The following SASH1 variants were observed in gnomAD, a reference collection of about 807,000 sequenced individuals.
The protein encoded by SASH1 is SAM and SH3 domain-containing protein 1.
Under a neutral mutation model 125.2 loss-of-function variants are expected in SASH1, and 44 were observed. The ratio of observed to expected loss-of-function variants is 0.35; its 90% CI spans 0.28 to 0.45. SASH1 has a LOEUF of 0.45. Ranked by LOEUF, SASH1 falls within the 20% of genes least tolerant of loss-of-function variation. SASH1 has a pLI of 1.00. For synonymous variants in SASH1, 639 were observed against 649.1 expected, an observed-to-expected ratio of 0.98 and a Z score of 0.24; for missense variants, 1,426 against 1,614.5, an observed-to-expected ratio of 0.88 and a Z score of 2.00.
Position 148,548,457 on chromosome 6 carries a change from A to G in SASH1, c.3643A>G (p.Thr1215Ala), listed in dbSNP as rs758364442. 5 of 1,614,016 alleles carry G rather than the reference A, an allele frequency of 3.1e-6. No individual in the cohort carries two copies. The East Asian group carries it at 8.9e-5, about 29-fold the overall frequency. The part of the protein sequence containing the change: ...TLSQVPSLSH[T>A]CLQEAGITEE... ...GAGCCAAGTGCCTTCTCTGTCTCAC[A>G]CTTGCCTTCAGGAGGCCGGCATCAC... The change falls in exon 20 of 20, where the codon ACT (threonine) becomes GCT (alanine). Residue 1215 changes from threonine to alanine, a missense_variant. Coordinates refer to ENST00000367467, the MANE Select transcript of SASH1 (RefSeq NM_015278.5).
In SASH1 at chr6:148,529,796, TG is replaced by T. The variant is rs1362291055; in HGVS notation, c.1429-1729del. Among the ~76,000 whole-genome samples the T allele has an allele frequency of 6.7e-5, 10 of 150,186 alleles. No individual in the cohort carries two copies. Among genetic ancestry groups the T allele is most frequent in the East Asian group, 3.9e-4 (2 of 5,188 alleles). On this transcript the variant is annotated intron_variant, in intron 12 of 19. Transcript: ENST00000367467. The surrounding 1 kb of genome is among the most constrained non-coding windows in gnomAD (Gnocchi z 4.2). ...AAAATAATGGAAGGTTTTATGTGGT[TG>T]TTTTTTTTTTGTTTTTGTTTTTGTT... is the stretch of plus-strand genomic sequence containing the variant.
chr6:148,229,533 G>T, the SASH1 span, among the ~76,000 whole-genome samples: 1 of 151,688 alleles, frequency 6.6e-6, no homozygotes, highest in African/African-American at 2.4e-5. Context: ...AATACTAAAC[G>T]TATAACACCA....
intron 2 of SASH1, among the ~76,000 whole-genome samples, chr6:148,397,400 G>A (rs1364761667): frequency 2.0e-5 from 3 of 152,114 alleles, no homozygotes; most frequent in Admixed American, 6.5e-5. Context: ...CAGGAGAATC[G>A]CTTGAACACT....
At chr6:148,476,082 T>A (rs1303631398) in intron 7 of SASH1, among the ~76,000 whole-genome samples, 1 of 151,844 alleles carries the variant, frequency 6.6e-6, no homozygotes, top group Non-Finnish European at 1.5e-5. Context: ...AACTGATAAG[T>A]AAAGTTGCAG....
chr6:148,212,904 T>C, the SASH1 span, among the ~76,000 whole-genome samples: 3 of 152,278 alleles, frequency 2.0e-5, no homozygotes, highest in East Asian at 5.8e-4. Context: ...GCCTGAGCCA[T>C]GCAGTCCGGT....
chr6:148,469,846 C>T (rs1045528094), intron 5 of SASH1, among the ~76,000 whole-genome samples: 1 of 151,856 alleles, frequency 6.6e-6, no homozygotes, highest in Non-Finnish European at 1.5e-5. Context: ...GCCAATATGT[C>T]GAAACCTCAT....
At chr6:148,324,123 A>AAAAAAAAAC (rs1554234822) in intron 1 of SASH1, among the ~76,000 whole-genome samples, 1 of 148,702 alleles carries the variant, frequency 6.7e-6, no homozygotes, top group Admixed American at 6.7e-5. Context: ...TGTCTCAAAA[A>AAAAAAAAAC]AAAAAAAAAA....
At chr6:148,358,272 A>G (rs1782034515) in intron 1 of SASH1, among the ~76,000 whole-genome samples, 1 of 152,162 alleles carries the variant, frequency 6.6e-6, no homozygotes, top group South Asian at 2.1e-4. Context: ...CAAGGACTGT[A>G]GGTCACCGAT....
intron 11 of SASH1, chr6:148,527,245 A>G (rs997954604): frequency 2.1e-6 from 1 of 466,082 alleles, no homozygotes; most frequent in Admixed American, 4.4e-5. Context: ...AAAGTGACTC[A>G]CATCCCACTT....
intron 8 of SASH1, among the ~76,000 whole-genome samples, chr6:148,488,805 G>C (rs962338848): frequency 6.6e-6 from 1 of 152,192 alleles, no homozygotes; most frequent in African/African-American, 2.4e-5. Context: ...TCTTTTGCCT[G>C]GTCTTCAGTT....
intron 8 of SASH1, chr6:148,512,796 C>T (rs987199328): frequency 1.0e-6 from 1 of 984,586 alleles, no homozygotes; most frequent in Non-Finnish European, 1.2e-6. Flanking sequence ...AGAAATTGGA[C>T]ATAGATATTA....
the SASH1 span, among the ~76,000 whole-genome samples, chr6:148,216,382 T>A: frequency 1.3e-5 from 2 of 151,592 alleles, no homozygotes; most frequent in Admixed American, 6.6e-5. Flanking sequence ...GCAGATTGGG[T>A]TTTTAATATT....
intron 2 of SASH1, among the ~76,000 whole-genome samples, chr6:148,396,586 G>T (rs12195962): frequency 6.6e-6 from 1 of 150,884 alleles, no homozygotes; most frequent in Non-Finnish European, 1.5e-5. Context: ...TCCAAATATA[G>T]TTCTGGATTA....
intron 8 of SASH1, chr6:148,508,834 A>G (rs1376165001): frequency 7.9e-7 from 1 of 1,267,900 alleles, no homozygotes; most frequent in Admixed American, 2.3e-5. Flanking sequence ...GAGGTACAGG[A>G]CGTCTTCAGA....
intron 2 of SASH1, among the ~76,000 whole-genome samples, chr6:148,402,837 C>T (rs1465092798): frequency 6.7e-6 from 1 of 149,222 alleles, no homozygotes; most frequent in Non-Finnish European, 1.5e-5. Context: ...TCTAGATCTC[C>T]TGACCTCGTG....
intron 7 of SASH1, among the ~76,000 whole-genome samples, chr6:148,483,964 G>A (rs1778733132): frequency 1.3e-5 from 2 of 152,150 alleles, no homozygotes; most frequent in African/African-American, 4.8e-5. Flanking sequence ...TATCTCAAAA[G>A]AAGCAGAAAA....
At chr6:148,298,647 A>G (rs142050570) in intron 1 of SASH1, among the ~76,000 whole-genome samples, 950 of 91,850 alleles carry the variant, frequency 0.01, 9 homozygotes, top group Non-Finnish European at 0.014. Flanking sequence ...AGAAGGAAGG[A>G]AGGGAGGGAG....
chr6:148,273,784 G>C (rs1273094298), intron 1 of SASH1, among the ~76,000 whole-genome samples: 1 of 152,222 alleles, frequency 6.6e-6, no homozygotes, highest in Non-Finnish European at 1.5e-5. Flanking sequence ...AGGCCTCTCA[G>C]GTGGGCTTCT....
In SASH1 at chr6:148,533,441, G is replaced by A. The variant is rs1207625713; in HGVS notation, c.1735-330G>A. 6.6e-6 allele frequency among the ~76,000 whole-genome samples: 1 copy of A among 152,200 alleles called. No homozygotes were observed. Among genetic ancestry groups the A allele is most frequent in the African/African-American group, 2.4e-5 (1 of 41,462 alleles). ...CTCCTCTAAGAAGTGGGAGCCCTCT[G>A]AGGAGGGAAGGCGTTCAGAGTGCCG... is the stretch of plus-strand genomic sequence containing the variant. On this transcript the variant is annotated intron_variant, in intron 14 of 19. Coordinates refer to ENST00000367467, the MANE Select transcript of SASH1 (RefSeq NM_015278.5). The surrounding 1 kb of genome is among the most constrained non-coding windows in gnomAD (Gnocchi z 6.2).
Sources: gnomAD v4.1 joint callset for allele counts (sites outside exome capture counted in the v4.1 genomes callset) on GRCh38, gnomAD v4.1.1 for gene constraint, Gnocchi (gnomAD v3.1) non-coding constraint, MANE v1.5 for transcripts, NCBI Gene and HGNC (gene_info 2026-07-23, HGNC 2026-07-21) for gene names.